RAB40C: variants seen among roughly 807,000 people sequenced by gnomAD.
RAB40C encodes RAB40C, member RAS oncogene family, also known as ras-related protein Rab-40C.
In RAB40C, 8 loss-of-function variants were observed where a neutral mutation model predicts 28.1. The ratio of observed to expected loss-of-function variants is 0.28; its 90% CI spans 0.17 to 0.51. The LOEUF is 0.51. Ranked by LOEUF, RAB40C falls within the 20% of genes least tolerant of loss-of-function variation. The pLI, the probability that RAB40C is intolerant of heterozygous loss-of-function variation, is 0.97. For synonymous variants in RAB40C, 201 were observed against 171.7 expected (o/e 1.17, Z -1.34); for missense variants, 288 against 405.9 (o/e 0.71, Z 2.50).
At chr16:595,305 C>G (rs533245822) in intron 1 of RAB40C, among the ~76,000 whole-genome samples, 2 of 152,208 alleles carry the variant, frequency 1.3e-5, no homozygotes, top group Non-Finnish European at 2.9e-5. Context: ...ACTGTGCAGA[C>G]GAGGGATTGA....
intron 3 of RAB40C, among the ~76,000 whole-genome samples, chr16:623,436 T>G: frequency 6.8e-6 from 1 of 147,840 alleles, no homozygotes. Context: ...GATCGGGAGG[T>G]CAGGAGATCA....
chr16:596,027 C>T (rs2036116579), intron 1 of RAB40C, among the ~76,000 whole-genome samples: 1 of 152,244 alleles, frequency 6.6e-6, no homozygotes, highest in African/African-American at 2.4e-5. Context: ...AACTTTTGGA[C>T]AAGTGAGTTA....
chr16:624,352 A>T (rs2036782903), intron 3 of RAB40C: 3 of 985,286 alleles, frequency 3.0e-6, no homozygotes, highest in South Asian at 4.7e-5. Context: ...GCATTTGTTT[A>T]TTCTGAATCT....
intron 1 of RAB40C, among the ~76,000 whole-genome samples, chr16:605,021 G>GC (rs1403602721): frequency 2.0e-5 from 3 of 152,146 alleles, no homozygotes; most frequent in African/African-American, 7.2e-5. Flanking sequence ...TCATGCCACT[G>GC]CACTCCAGCC....
Position 626,009 on chromosome 16 carries a change from C to G in RAB40C, c.453C>G (p.Thr151=). 1 of 1,613,394 alleles carries G rather than the reference C, an allele frequency of 6.2e-7. No individual in the cohort carries two copies. Among genetic ancestry groups the G allele is most frequent in the Non-Finnish European group, 8.5e-7 (1 of 1,179,994 alleles). The part of the protein sequence containing the change: ...ARAYAEKNCM[T]FFEVSPLCNF... ...CGTACGCAGAGAAGAACTGCATGACCTTCTTTGAGGTCAGCCCCCTGTGCA... is the reference window on the plus strand; with the variant it reads ...CGTACGCAGAGAAGAACTGCATGACGTTCTTTGAGGTCAGCCCCCTGTGCA... The change falls in exon 5 of 6, where the codon ACC becomes ACG. Residue 151 remains threonine (T), a synonymous_variant. Coordinates refer to ENST00000248139, the MANE Select transcript of RAB40C (RefSeq NM_021168.5).
In RAB40C at chr16:604,200, A is replaced by G. The variant is rs149672947; in HGVS notation, c.143-13008A>G. 3.6e-3 allele frequency among the ~76,000 whole-genome samples: 548 copies of G among 151,934 alleles called. 4 individuals are homozygous for G. The highest frequency in any genetic ancestry group is 0.013 in the African/African-American group (523 of 41,420). On this transcript the variant is annotated intron_variant, in intron 1 of 5. Coordinates refer to ENST00000248139, the MANE Select transcript of RAB40C (RefSeq NM_021168.5). ...CTCCCTAGCAGCTGGGACTACAGGC[A>G]TGTACCACCACACCCGGCTCAGAGC...
Position 590,439 on chromosome 16 carries a change from G to T in RAB40C, c.142+6G>T. On this transcript the variant is annotated splice_donor_region_variant and intron_variant, in intron 1 of 5. Transcript: ENST00000248139. ...CCCGTACGCCTACAGTAACGGTAAG[G>T]CCCGGCCCGCGGCGCGCGCTGCTAC... 6.3e-7 allele frequency: 1 copy of T among 1,575,930 alleles called. No individual in the cohort carries two copies. Among genetic ancestry groups the T allele is most frequent in the South Asian group, 1.1e-5 (1 of 87,234 alleles).
At position 613,687 on chromosome 16, in the gene RAB40C, G is replaced by A. The variant is rs188132808; in HGVS notation, c.143-3521G>A. 1.2e-3 allele frequency among the ~76,000 whole-genome samples: 186 copies of A among 152,164 alleles called. 3 individuals are homozygous for A. Among genetic ancestry groups the A allele is most frequent in the African/African-American group, 3.9e-3 (162 of 41,498 alleles). On this transcript the variant is annotated intron_variant, in intron 1 of 5. Transcript: ENST00000248139. Reference sequence around the variant, plus strand: ...GCCCTTTTTTTAAAGTATAATTTCCGTATTTTTTTCCCCAGAGGATAGTTT... The same window carrying A: ...GCCCTTTTTTTAAAGTATAATTTCCATATTTTTTTCCCCAGAGGATAGTTT...
At chr16:598,417 C>T (rs1390629555) in intron 1 of RAB40C, among the ~76,000 whole-genome samples, 3 of 149,574 alleles carry the variant, frequency 2.0e-5, no homozygotes, top group Non-Finnish European at 4.4e-5. Flanking sequence ...AAAAATTAGC[C>T]GGGCGTGGTG....
chr16:623,481 C>T (rs187528011), intron 3 of RAB40C, among the ~76,000 whole-genome samples: 3 of 151,778 alleles, frequency 2.0e-5, no homozygotes, highest in Non-Finnish European at 4.4e-5. Context: ...AACCCTGTCT[C>T]TACTAAAAAA....
At chr16:609,980 A>G (rs1567189093) in intron 1 of RAB40C, among the ~76,000 whole-genome samples, 1 of 152,162 alleles carries the variant, frequency 6.6e-6, no homozygotes, top group African/African-American at 2.4e-5. Context: ...AAAAGGTTTT[A>G]GGAAACAGAA....
intron 1 of RAB40C, among the ~76,000 whole-genome samples, chr16:604,085 G>A (rs1428298885): frequency 2.9e-5 from 4 of 138,934 alleles, no homozygotes; most frequent in South Asian, 2.2e-4. Flanking sequence ...TGAGACTCTC[G>A]TTCTGTTGCC....
At position 628,550 on chromosome 16, in the gene RAB40C, CCTT is replaced by C. The variant is rs1567196756; in HGVS notation, c.*932_*934del. On this transcript the variant is annotated 3_prime_UTR_variant, in exon 6 of 6. Transcript: ENST00000248139. ...TTGCACGGCATCAGAACCATCCTGA[CCTT>C]CTTAGGGACGTGCCTGGAACCACCT... 6.6e-6 allele frequency: 1 copy of C among 152,292 alleles called. No individual in the cohort carries two copies. The highest frequency in any genetic ancestry group is 1.9e-4 in the East Asian group (1 of 5,190). 9.4% of individuals were successfully genotyped at this position (152,292 alleles called of 1,614,324 possible).
chr16:622,851 G>A (rs942333986), intron 3 of RAB40C, among the ~76,000 whole-genome samples: 2 of 152,186 alleles, frequency 1.3e-5, no homozygotes, highest in Admixed American at 1.3e-4. Context: ...AAAACAGAAG[G>A]CAGTGGAAGA....
chr16:620,964 G>T (rs75394749), intron 3 of RAB40C, among the ~76,000 whole-genome samples: 3,809 of 152,346 alleles, frequency 0.025, 75 homozygotes, highest in African/African-American at 0.062. Context: ...CATAAGCTCT[G>T]CATTTGCCAG....
At position 590,390 on chromosome 16, in the gene RAB40C, C is replaced by T. The variant is rs1350677222; in HGVS notation, c.99C>T (p.Ser33=). The T allele has an allele frequency of 2.5e-6, 4 of 1,595,416 alleles. No homozygotes were observed. The highest frequency in any genetic ancestry group is 2.2e-5 in the South Asian group (2 of 89,140). The change falls in exon 1 of 6, where the codon AGC becomes AGT. Residue 33 remains serine, a synonymous_variant. Coordinates refer to ENST00000248139, the MANE Select transcript of RAB40C (RefSeq NM_021168.5). The stretch of plus-strand genomic sequence containing the variant: ...TGGGCAAGGGCGAGATCCTGGAGAG[C>T]CTGCAGGACGGCGCGGCAGAGTCCC... ...SDVGKGEILE[S]LQDGAAESPY...
chr16:605,553 C>A (rs1343197480), intron 1 of RAB40C, among the ~76,000 whole-genome samples: 1 of 152,234 alleles, frequency 6.6e-6, no homozygotes, highest in Non-Finnish European at 1.5e-5. Context: ...TGGAGCCACA[C>A]AGGGCAAACT....
At chr16:600,590 A>G (rs185600275) in intron 1 of RAB40C, among the ~76,000 whole-genome samples, 20 of 152,316 alleles carry the variant, frequency 1.3e-4, no homozygotes, top group African/African-American at 4.8e-4. Flanking sequence ...GTCTCTACTA[A>G]AAATTCAAAA....
intron 1 of RAB40C, among the ~76,000 whole-genome samples, chr16:615,387 C>T (rs1300579223): frequency 6.6e-6 from 1 of 152,234 alleles, no homozygotes; most frequent in African/African-American, 2.4e-5. Flanking sequence ...CACACAAGCC[C>T]ACTGGGCAGG....
Sources: gnomAD v4.1 joint callset for allele counts (sites outside exome capture counted in the v4.1 genomes callset) on GRCh38, gnomAD v4.1.1 for gene constraint, MANE v1.5 for transcripts, NCBI Gene and HGNC (gene_info 2026-07-23, HGNC 2026-07-21) for gene names.